Variants in RPS6KC1 observed in about 807,000 individuals in gnomAD.
The protein encoded by RPS6KC1 is inactive ribosomal protein S6 kinase delta-1.
In RPS6KC1, 54 loss-of-function variants were observed where a neutral mutation model predicts 103.8. The observed-to-expected ratio is 0.52, with a 90% CI of 0.42 to 0.65. RPS6KC1 has a LOEUF of 0.65. RPS6KC1 is among the 30% of genes least tolerant of loss of function. The pLI is 0.00. For missense variants in RPS6KC1, 1,151 were observed against 1,253.8 expected (o/e 0.92, Z 1.24); for synonymous variants, 439 against 438.7 (o/e 1.00, Z -0.01).
At chr1:213,231,358 A>G (rs1184868226) in intron 9 of RPS6KC1, among the ~76,000 whole-genome samples, 1 of 152,206 alleles carries the variant, frequency 6.6e-6, no homozygotes, top group Non-Finnish European at 1.5e-5. Flanking sequence ...GCAATTTATA[A>G]CTAAATGAAT....
the RPS6KC1 span, among the ~76,000 whole-genome samples, chr1:213,400,503 T>C: frequency 6.6e-6 from 1 of 152,112 alleles, no homozygotes; most frequent in Non-Finnish European, 1.5e-5. Context: ...TCTGTTTCCC[T>C]AGTTCTCTTC....
At chr1:213,538,360 A>G in the RPS6KC1 span, among the ~76,000 whole-genome samples, 1 of 152,122 alleles carries the variant, frequency 6.6e-6, no homozygotes, top group Admixed American at 6.5e-5. Flanking sequence ...ATCTCTTATT[A>G]GGTAGTACAG....
the RPS6KC1 span, among the ~76,000 whole-genome samples, chr1:213,683,816 A>T: frequency 6.6e-6 from 1 of 151,844 alleles, no homozygotes; most frequent in African/African-American, 2.4e-5. Flanking sequence ...CCCTGAAACC[A>T]AATATTGGCC....
At chr1:213,468,637 A>T in the RPS6KC1 span, among the ~76,000 whole-genome samples, 1 of 152,236 alleles carries the variant, frequency 6.6e-6, no homozygotes, top group Admixed American at 6.5e-5. Flanking sequence ...TGAGGTTCTA[A>T]CAGGAACTTT....
chr1:213,571,024 G>A, the RPS6KC1 span, among the ~76,000 whole-genome samples: 6 of 152,332 alleles, frequency 3.9e-5, no homozygotes, highest in Non-Finnish European at 7.3e-5. Context: ...CTTTAAATGC[G>A]TATGTGTCTT....
chr1:213,188,630 C>T (rs2092630732), intron 8 of RPS6KC1, among the ~76,000 whole-genome samples: 1 of 151,912 alleles, frequency 6.6e-6, no homozygotes, highest in Non-Finnish European at 1.5e-5. Flanking sequence ...AAATACAATA[C>T]CTTTATAATA....
the RPS6KC1 span, among the ~76,000 whole-genome samples, chr1:213,693,743 G>A: frequency 1.9e-4 from 29 of 152,324 alleles, no homozygotes; most frequent in African/African-American, 5.8e-4. Context: ...CGATGGCTAC[G>A]GAAATTTAGT....
the RPS6KC1 span, among the ~76,000 whole-genome samples, chr1:213,634,813 A>C: frequency 6.6e-6 from 1 of 152,030 alleles, no homozygotes; most frequent in Non-Finnish European, 1.5e-5. Context: ...AAAACCCTTC[A>C]AAAAATCAAT....
the RPS6KC1 span, among the ~76,000 whole-genome samples, chr1:213,653,744 G>C: frequency 6.6e-6 from 1 of 152,210 alleles, no homozygotes; most frequent in Admixed American, 6.5e-5. Context: ...CTGGCTCATA[G>C]CAGAATGGAC....
the RPS6KC1 span, among the ~76,000 whole-genome samples, chr1:213,682,912 T>G: frequency 6.6e-6 from 1 of 152,252 alleles, no homozygotes; most frequent in African/African-American, 2.4e-5. Context: ...CTAGACATAC[T>G]GTTTTATAAC....
At chr1:213,662,797 T>G in the RPS6KC1 span, among the ~76,000 whole-genome samples, 1 of 152,208 alleles carries the variant, frequency 6.6e-6, no homozygotes, top group Non-Finnish European at 1.5e-5. Context: ...ATCACAGCCC[T>G]TTTACTAATG....
the RPS6KC1 span, among the ~76,000 whole-genome samples, chr1:213,710,616 T>G: frequency 2.0e-5 from 3 of 152,206 alleles, no homozygotes; most frequent in Non-Finnish European, 4.4e-5. Context: ...GTGTCAATGG[T>G]CTTTACATTT....
the RPS6KC1 span, among the ~76,000 whole-genome samples, chr1:213,293,637 A>T: frequency 6.6e-6 from 1 of 152,158 alleles, no homozygotes. Context: ...GCACCACTGC[A>T]TTCCAGCCTG....
chr1:213,117,115 T>G (rs1374181583), intron 4 of RPS6KC1, among the ~76,000 whole-genome samples: 1 of 152,218 alleles, frequency 6.6e-6, no homozygotes, highest in Non-Finnish European at 1.5e-5. Context: ...CCATTAAATA[T>G]CTTGGGTTGG....
At chr1:213,137,799 ATTTTTTTTTTTTT>A (rs869154560) in intron 6 of RPS6KC1, among the ~76,000 whole-genome samples, 17 of 13,992 alleles carry the variant, frequency 1.2e-3, no homozygotes, top group East Asian at 4.6e-3. Flanking sequence ...ATATATATAT[ATTTTTTTTTTTTT>A]TTTTTTTTTT....
At chr1:213,495,029 G>A in the RPS6KC1 span, among the ~76,000 whole-genome samples, 14 of 152,194 alleles carry the variant, frequency 9.2e-5, no homozygotes, top group Non-Finnish European at 2.1e-4. Flanking sequence ...GGGAATAGTT[G>A]TGATCAAGAA....
At chr1:213,420,522 G>T in the RPS6KC1 span, among the ~76,000 whole-genome samples, 37 of 152,306 alleles carry the variant, frequency 2.4e-4, no homozygotes, top group Non-Finnish European at 4.7e-4. Context: ...CATGGATCTG[G>T]TTCTTAAGGA....
chr1:213,578,579 A>G, the RPS6KC1 span, among the ~76,000 whole-genome samples: 4 of 152,216 alleles, frequency 2.6e-5, no homozygotes, highest in African/African-American at 9.6e-5. Context: ...CATCAGTGTA[A>G]CCTGGATGTG....
chr1:213,551,217 T>C, the RPS6KC1 span, among the ~76,000 whole-genome samples: 1 of 152,198 alleles, frequency 6.6e-6, no homozygotes, highest in Non-Finnish European at 1.5e-5. Flanking sequence ...ACTTGTACCA[T>C]GGCCACAGGA....
Sources: gnomAD v4.1 joint callset for allele counts (sites outside exome capture counted in the v4.1 genomes callset) on GRCh38, gnomAD v4.1.1 for gene constraint, MANE v1.5 for transcripts, NCBI Gene and HGNC (gene_info 2026-07-23, HGNC 2026-07-21) for gene names.